The following PCDH9 variants were observed in gnomAD, a reference collection of about 807,000 sequenced individuals.
PCDH9 encodes protocadherin 9, also known as protocadherin-9.
In PCDH9, 24 loss-of-function variants were observed where a neutral mutation model predicts 70.6. That is an observed-to-expected ratio of 0.34 (90% CI 0.25 to 0.48). The LOEUF (loss-of-function observed/expected upper bound fraction) is 0.48, where lower values mean the gene tolerates loss of function less well. PCDH9 is among the 20% of genes least tolerant of loss of function. The pLI is 0.99. For missense variants in PCDH9, 1,281 were observed against 1,503.6 expected (o/e 0.85, Z 2.45); for synonymous variants, 562 against 558.5 (o/e 1.01, Z -0.09).
intron 3 of PCDH9, among the ~76,000 whole-genome samples, chr13:66,653,391 C>T (rs1011696243): frequency 4.6e-5 from 7 of 152,106 alleles, no homozygotes; most frequent in African/African-American, 1.7e-4. Context: ...ATACATATGG[C>T]AAACAGGTAA....
chr13:66,654,292 TAGA>T (rs1271627918), intron 3 of PCDH9, among the ~76,000 whole-genome samples: 2 of 152,014 alleles, frequency 1.3e-5, no homozygotes, highest in Admixed American at 1.3e-4. Flanking sequence ...AGATAGAGCG[TAGA>T]AGAATGGTTA....
chr13:66,849,445 TATATATGACA>T (rs1295108447), intron 3 of PCDH9, among the ~76,000 whole-genome samples: 3 of 145,752 alleles, frequency 2.1e-5, no homozygotes, highest in Non-Finnish European at 4.4e-5. Context: ...TATATATGAC[TATATATGACA>T]ATATATGACA....
At chr13:66,995,813 G>A (rs1341632192) in intron 2 of PCDH9, among the ~76,000 whole-genome samples, 2 of 152,106 alleles carry the variant, frequency 1.3e-5, no homozygotes, top group Non-Finnish European at 2.9e-5. Context: ...CATTACTGCT[G>A]TCTAAAAATC....
intron 3 of PCDH9, among the ~76,000 whole-genome samples, chr13:66,849,507 TATATATATATAGAGAG>T (rs1295811573): frequency 2.2e-5 from 2 of 90,038 alleles, no homozygotes; most frequent in Admixed American, 1.2e-4. Flanking sequence ...TATATATATA[TATATATATATAGAGAG>T]AGAGAGAGAG....
In PCDH9 at chr13:66,477,193, C is replaced by T. The variant is rs557609314; in HGVS notation, c.3340+154017G>A. 1.3e-3 allele frequency among the ~76,000 whole-genome samples: 194 copies of T among 152,184 alleles called. 1 individual carries two copies. Among genetic ancestry groups the T allele is most frequent in the African/African-American group, 4.5e-3 (185 of 41,548 alleles). ...TTTATTAGGAAAGTTTTGTTAAAAGCATGTATTCTAGAGTCAGACATACCT... is the reference window on the plus strand; with the variant it reads ...TTTATTAGGAAAGTTTTGTTAAAAGTATGTATTCTAGAGTCAGACATACCT... On this transcript the variant is annotated intron_variant, in intron 4 of 4. Coordinates refer to ENST00000377865, the MANE Select transcript of PCDH9 (RefSeq NM_203487.3).
At chr13:66,919,950 G>C (rs2082613247) in intron 2 of PCDH9, among the ~76,000 whole-genome samples, 1 of 150,638 alleles carries the variant, frequency 6.6e-6, no homozygotes, top group African/African-American at 2.4e-5. Flanking sequence ...AGAAGATTAG[G>C]GTAATGTTTT....
intron 4 of PCDH9, among the ~76,000 whole-genome samples, chr13:66,583,793 T>C (rs1038678615): frequency 4.6e-5 from 7 of 152,190 alleles, no homozygotes; most frequent in African/African-American, 1.7e-4. Context: ...TTTTTGTTTC[T>C]TCATTTTATG....
At chr13:66,959,821 G>A (rs2083318006) in intron 2 of PCDH9, among the ~76,000 whole-genome samples, 1 of 151,550 alleles carries the variant, frequency 6.6e-6, no homozygotes, top group Non-Finnish European at 1.5e-5. Flanking sequence ...CTAAGAAGCT[G>A]GATTACCTTT....
chr13:66,631,288 G>T lies in PCDH9; in HGVS notation c.3262C>A (p.Gln1088Lys), dbSNP rs771155159. 6.2e-7 allele frequency: 1 copy of T among 1,607,682 alleles called. No homozygotes were observed. Among genetic ancestry groups the T allele is most frequent in the Non-Finnish European group, 8.5e-7 (1 of 1,174,132 alleles). ...TGGTCATAGAATTCGTCCTGTGGCT[G>T]AACCAGAGGAAGAGGGTGTGAGATC... is the stretch of plus-strand genomic sequence containing the variant. ...TLISHPLPLV[Q>K]PQDEFYDQAS... is the part of the protein sequence containing the mutation. The change falls in exon 4 of 5, where the codon CAG becomes AAG. Residue 1088 changes from glutamine to lysine, a missense_variant. Physicochemically the swap from Gln to Lys is moderately conservative, Grantham distance 53. Coordinates refer to ENST00000377865, the MANE Select transcript of PCDH9 (RefSeq NM_203487.3).
At chr13:67,151,598 A>G (rs980622804) in intron 2 of PCDH9, among the ~76,000 whole-genome samples, 2 of 152,164 alleles carry the variant, frequency 1.3e-5, no homozygotes, top group Non-Finnish European at 2.9e-5. Context: ...AAGATCCTGT[A>G]TGATTCAAGC....
intron 2 of PCDH9, among the ~76,000 whole-genome samples, chr13:66,946,374 A>G (rs1289523920): frequency 1.3e-5 from 2 of 152,104 alleles, no homozygotes; most frequent in Non-Finnish European, 2.9e-5. Context: ...TGCACACTTA[A>G]AAATATTTTG....
At chr13:66,708,344 C>A (rs759017940) in intron 3 of PCDH9, among the ~76,000 whole-genome samples, 2 of 151,842 alleles carry the variant, frequency 1.3e-5, no homozygotes, top group Admixed American at 6.6e-5. Flanking sequence ...CCACCGCGCC[C>A]GGCCCCAGAT....
chr13:66,596,077 A>G lies in PCDH9; in HGVS notation c.3340+35133T>C, dbSNP rs187393006. 2.6e-5 allele frequency among the ~76,000 whole-genome samples: 4 copies of G among 151,802 alleles called. No homozygotes were observed. In the East Asian group the frequency reaches 5.8e-4, roughly 22 times the overall value. ...TTTGTGATAAATCATTACAAACAAA[A>G]CCAGAATATATTAGATTCCCATGAT... is the stretch of plus-strand genomic sequence containing the variant. On this transcript the variant is annotated intron_variant, in intron 4 of 4. Coordinates refer to ENST00000377865, the MANE Select transcript of PCDH9 (RefSeq NM_203487.3).
At chr13:66,556,172 C>A (rs1463433286) in intron 4 of PCDH9, among the ~76,000 whole-genome samples, 1 of 151,814 alleles carries the variant, frequency 6.6e-6, no homozygotes, top group Non-Finnish European at 1.5e-5. Context: ...TGCCAGACAT[C>A]TGAATGTTAT....
chr13:67,070,487 T>G (rs1398357971), intron 2 of PCDH9, among the ~76,000 whole-genome samples: 1 of 152,188 alleles, frequency 6.6e-6, no homozygotes, highest in Non-Finnish European at 1.5e-5. Flanking sequence ...TAGCCTTTAT[T>G]ACTTTTAAAC....
intron 2 of PCDH9, among the ~76,000 whole-genome samples, chr13:66,939,216 A>G (rs549073242): frequency 6.6e-6 from 1 of 152,208 alleles, no homozygotes; most frequent in East Asian, 1.9e-4. Flanking sequence ...CTGCTTAAAT[A>G]TTATTGTTTT....
chr13:66,813,631 C>T (rs911517236), intron 3 of PCDH9, among the ~76,000 whole-genome samples: 6 of 151,862 alleles, frequency 4.0e-5, no homozygotes, highest in African/African-American at 1.5e-4. Flanking sequence ...AAAAATATAT[C>T]GTTTGATAAT....
intron 2 of PCDH9, among the ~76,000 whole-genome samples, chr13:67,037,499 C>T (rs1184807488): frequency 1.3e-5 from 2 of 152,080 alleles, no homozygotes. Context: ...TCTGGCTATC[C>T]TTGTGAATTA....
At chr13:66,342,978 C>T (rs940776481) in intron 4 of PCDH9, among the ~76,000 whole-genome samples, 10 of 152,016 alleles carry the variant, frequency 6.6e-5, no homozygotes, top group African/African-American at 2.2e-4. Flanking sequence ...ACTCTACAAC[C>T]TTCTGACATG....
Sources: allele counts gnomAD v4.1 joint callset (sites outside exome capture counted in the v4.1 genomes callset), GRCh38; gene constraint gnomAD v4.1.1; transcripts MANE v1.5; gene names NCBI Gene and HGNC (gene_info 2026-07-23, HGNC 2026-07-21).